Variants in UTP6 observed in about 807,000 individuals in gnomAD.
The protein encoded by UTP6 is UTP6 small subunit processome component.
Under a neutral mutation model 96.5 loss-of-function variants are expected in UTP6, and 60 were observed. That is an observed-to-expected ratio of 0.62 (90% confidence interval 0.51 to 0.77). The LOEUF (loss-of-function observed/expected upper bound fraction) is 0.77, where lower values mean the gene tolerates loss of function less well. Ranked by LOEUF, UTP6 falls within the 30% of genes least tolerant of loss-of-function variation. UTP6 has a pLI of 0.00. For missense variants in UTP6, 637 were observed against 706.5 expected (o/e 0.90, Z 1.12); for synonymous variants, 215 against 240.1 (o/e 0.90, Z 0.96).
chr17:31,863,764 G>A (rs1031362545), intron 18 of UTP6, among the ~76,000 whole-genome samples: 6 of 152,054 alleles, frequency 3.9e-5, no homozygotes, highest in East Asian at 1.9e-4. Flanking sequence ...GTGTAGTAGC[G>A]GGAACATGGC....
At position 31,892,257 on chromosome 17, in the gene UTP6, T is replaced by C. The variant is rs755147941; in HGVS notation, c.424+3A>G. On this transcript the variant is annotated splice_donor_region_variant and intron_variant, in intron 6 of 18. Transcript: ENST00000261708. ...AGAAAAATTGACAAAGATTTCACCA[T>C]ACCTGGTTTGTTGGAATGAATCGCC... The C allele has an allele frequency of 3.1e-6, 5 of 1,613,942 alleles. No individual in the cohort carries two copies. The highest frequency in any genetic ancestry group is 1.7e-5 in the Admixed American group (1 of 59,998).
chr17:31,900,616 C>T (rs1904921982), intron 1 of UTP6, among the ~76,000 whole-genome samples: 1 of 152,130 alleles, frequency 6.6e-6, no homozygotes, highest in Non-Finnish European at 1.5e-5. Flanking sequence ...TCTTTTACTC[C>T]AAGTTCAGGT....
rs1455238773 is a variant in UTP6 at position 31,901,669 on chromosome 17, C to T, written c.-42G>A. On this transcript the variant is annotated 5_prime_UTR_variant, in exon 1 of 19. Transcript: ENST00000261708. ...AACCCCGCGGGTAGCTTCTCAACAGCGAACACGAGCAGGAAGCTCCCGGTT... is the reference window on the plus strand; with the variant it reads ...AACCCCGCGGGTAGCTTCTCAACAGTGAACACGAGCAGGAAGCTCCCGGTT... The T allele has an allele frequency of 6.3e-7, 1 of 1,593,152 alleles. No individual in the cohort carries two copies. The highest frequency in any genetic ancestry group is 1.1e-5 in the South Asian group (1 of 90,756).
Position 31,875,217 on chromosome 17 carries a change from AG to A in UTP6, c.1305+16del. On this transcript the variant is annotated intron_variant, in intron 14 of 18. Transcript: ENST00000261708. ...GTTTCCCAAATATAATGAATACAAAAGATCCAGCTCACTGACCTGGGGTTTC... is the reference window on the plus strand; with the variant it reads ...GTTTCCCAAATATAATGAATACAAAAATCCAGCTCACTGACCTGGGGTTTC... 1 of 1,612,940 alleles carries A rather than the reference AG, an allele frequency of 6.2e-7. No individual in the cohort carries two copies. Among genetic ancestry groups the A allele is most frequent in the Non-Finnish European group, 8.5e-7 (1 of 1,179,558 alleles).
Position 31,863,408 on chromosome 17 carries a change from G to A in UTP6, c.1745C>T (p.Ala582Val). The A allele has an allele frequency of 6.2e-7, 1 of 1,614,010 alleles. No individual in the cohort carries two copies. The highest frequency in any genetic ancestry group is 8.5e-7 in the Non-Finnish European group (1 of 1,180,010). The change falls in exon 19 of 19, where the codon GCA (alanine) becomes GTA (valine). Residue 582 changes from alanine (A) to valine (V), a missense_variant. Coordinates refer to ENST00000261708, the MANE Select transcript of UTP6 (RefSeq NM_018428.3). ...RAMKMLQGESAEAFVAKHAMH... is the reference protein window; with the variant it reads ...RAMKMLQGESVEAFVAKHAMH... ...AGCATGTTTAGCTACAAATGCCTCT[G>A]CTGACTCTCCCTGCAACATTTTCAT...
intron 4 of UTP6, 59 bp from the exon 5 acceptor site, chr17:31,892,853 T>C: frequency 6.3e-7 from 1 of 1,599,702 alleles, no homozygotes; most frequent in South Asian, 1.1e-5. Context: ...TAATACACCT[T>C]TGCATTAATT....
Position 31,901,594 on chromosome 17 carries a change from G to T in UTP6, c.34C>A (p.Arg12=). 1.2e-6 allele frequency: 2 copies of T among 1,613,912 alleles called. No individual in the cohort carries two copies. Among genetic ancestry groups the T allele is most frequent in the Non-Finnish European group, 1.7e-6 (2 of 1,180,016 alleles). ...TCCAGCTGTTCCAATTCCGGGAGCC[G>T]ATCTTCTATGCGTTCCTGAATTATC... is the stretch of plus-strand genomic sequence containing the variant. ...AEIIQERIED[R]LPELEQLERI... The change falls in exon 1 of 19, where the codon CGG becomes AGG. Residue 12 remains arginine, a synonymous_variant. Transcript: ENST00000261708.
rs1567772915 is a variant in UTP6, at chr17:31,863,180, TA to T, written c.*178del. 7.5e-6 allele frequency: 5 copies of T among 663,910 alleles called. No individual in the cohort carries two copies. The South Asian group carries it at 8.1e-5, about 11-fold the overall frequency. The allele number at this position is 663,910 out of a possible 1,614,324, so 41.1% of individuals were successfully genotyped here. The stretch of plus-strand genomic sequence containing the variant: ...ACAGAGCAAGACCCAGTCTCAATCA[TA>T]AAAATTTTTTAATTTTTAAAAAGAT... On this transcript the variant is annotated 3_prime_UTR_variant, in exon 19 of 19. Coordinates refer to ENST00000261708, the MANE Select transcript of UTP6 (RefSeq NM_018428.3).
chr17:31,890,577 G>A (rs11867619), intron 6 of UTP6, among the ~76,000 whole-genome samples: 6 of 151,558 alleles, frequency 4.0e-5, no homozygotes, highest in Non-Finnish European at 8.8e-5. Flanking sequence ...GAGATCACAC[G>A]ACTACACCCC....
intron 16 of UTP6, among the ~76,000 whole-genome samples, chr17:31,869,414 C>T (rs770347306): frequency 6.6e-6 from 1 of 152,182 alleles, no homozygotes; most frequent in Non-Finnish European, 1.5e-5. Context: ...GCAATCCTCC[C>T]ACCTCAGCCT....
intron 4 of UTP6, among the ~76,000 whole-genome samples, chr17:31,893,268 C>CA (rs947987260): frequency 2.0e-5 from 3 of 151,030 alleles, no homozygotes; most frequent in African/African-American, 7.3e-5. Context: ...AAAAAACAAA[C>CA]AAAAAAAATT....
At chr17:31,880,854 C>A (rs1355382859) in intron 10 of UTP6, 100 bp from the exon 11 acceptor site, 3 of 1,495,838 alleles carry the variant, frequency 2.0e-6, no homozygotes, top group Non-Finnish European at 1.8e-6. Context: ...CACAGGACAT[C>A]CCTGTAACAA....
intron 2 of UTP6, among the ~76,000 whole-genome samples, chr17:31,895,839 A>G (rs1042948157): frequency 6.6e-6 from 1 of 151,458 alleles, no homozygotes; most frequent in African/African-American, 2.4e-5. Context: ...CGGCCCATCA[A>G]TCCATATTTC....
intron 9 of UTP6, 143 bp downstream of exon 9, chr17:31,885,837 A>G (rs1911112245): frequency 3.0e-6 from 2 of 665,722 alleles, no homozygotes; most frequent in African/African-American, 3.6e-5. Context: ...AGGAAAAATA[A>G]GTATTTTCTG....
At chr17:31,894,286 A>AG (rs1904510312) in intron 4 of UTP6, among the ~76,000 whole-genome samples, 6 of 81,764 alleles carry the variant, frequency 7.3e-5, no homozygotes, top group African/African-American at 2.2e-4. Flanking sequence ...AAAAAAAAAG[A>AG]AAAAAAAAAA....
intron 1 of UTP6, 176 bp downstream of exon 1, chr17:31,901,360 T>C: frequency 1.6e-6 from 1 of 607,944 alleles, no homozygotes; most frequent in South Asian, 2.0e-5. Context: ...GACGGACGGA[T>C]TACCTTGCAA....
chr17:31,886,161 A>G, intron 8 of UTP6, 100 bp from the exon 9 acceptor site: 1 of 933,282 alleles, frequency 1.1e-6, no homozygotes, highest in Non-Finnish European at 1.6e-6. Context: ...CCATATGACC[A>G]CTGGTAAATC....
chr17:31,880,875 A>C, intron 10 of UTP6, 121 bp from the exon 11 acceptor site: 1 of 1,329,348 alleles, frequency 7.5e-7, no homozygotes, highest in Non-Finnish European at 1.0e-6. Flanking sequence ...CTGCAGTACC[A>C]TAAAAACTAT....
intron 4 of UTP6, among the ~76,000 whole-genome samples, chr17:31,894,286 A>AAG (rs1904510615): frequency 1.2e-5 from 1 of 81,778 alleles, no homozygotes. Context: ...AAAAAAAAAG[A>AAG]AAAAAAAAAA....
Sources: allele counts gnomAD v4.1 joint callset (sites outside exome capture counted in the v4.1 genomes callset), GRCh38; gene constraint gnomAD v4.1.1; transcripts MANE v1.5; gene names NCBI Gene and HGNC (gene_info 2026-07-23, HGNC 2026-07-21).